Variants in MYO1D observed in about 807,000 individuals in gnomAD.
The protein encoded by MYO1D is unconventional myosin-Id.
MYO1D carries 83 observed loss-of-function variants against 122.0 expected under a neutral mutation model. The ratio of observed to expected loss-of-function variants is 0.68; its 90% CI spans 0.57 to 0.82. MYO1D has a LOEUF of 0.82. Among genes scored for constraint, MYO1D ranks in the 40% least tolerant of loss-of-function variants. The probability of loss-of-function intolerance (pLI) is 0.00; values close to 1 mark genes in which losing one functional copy is unlikely to be tolerated. For synonymous variants in MYO1D, 464 were observed against 446.9 expected (o/e 1.04, Z -0.48); for missense variants, 1,157 against 1,269.5 (o/e 0.91, Z 1.35).
rs554070635 is a variant in MYO1D at position 32,684,169 on chromosome 17, C to T, written c.2122-24831G>A. ...CTGGCACTCCCTAGTGAGATGAACC[C>T]GGTACCTCAGATGGAAATGCAGAAA... On this transcript the variant is annotated intron_variant, in intron 16 of 21. Coordinates refer to ENST00000318217, the MANE Select transcript of MYO1D (RefSeq NM_015194.3). 1.7e-4 allele frequency: 27 copies of T among 156,746 alleles called. No homozygotes were observed. The East Asian group carries it at 4.5e-3, about 26-fold the overall frequency. The allele number at this position is 156,746 out of a possible 1,614,324, so 9.7% of individuals were successfully genotyped here.
At chr17:32,876,551 G>A (rs751691307) in intron 1 of MYO1D, among the ~76,000 whole-genome samples, 12 of 152,100 alleles carry the variant, frequency 7.9e-5, no homozygotes, top group Non-Finnish European at 1.3e-4. Context: ...CGCGGCCCTT[G>A]AGCTCGACAC....
intron 1 of MYO1D, among the ~76,000 whole-genome samples, chr17:32,784,771 A>G (rs2090276063): frequency 6.6e-6 from 1 of 152,150 alleles, no homozygotes; most frequent in African/African-American, 2.4e-5. Flanking sequence ...GGGCTCCTTC[A>G]GATCAGTCAC....
intron 17 of MYO1D, among the ~76,000 whole-genome samples, chr17:32,656,333 T>C (rs1271576670): frequency 6.6e-6 from 1 of 152,196 alleles, no homozygotes; most frequent in Admixed American, 6.5e-5. Context: ...GTCAATAAAG[T>C]AGAAAGTGTA....
chr17:32,826,285 C>T (rs1411501270), intron 1 of MYO1D, among the ~76,000 whole-genome samples: 2 of 40,150 alleles, frequency 5.0e-5, no homozygotes, highest in African/African-American at 1.1e-4. Context: ...TGTTCACCTA[C>T]CTGCAATCAA....
In MYO1D at chr17:32,653,998, G is replaced by A. The variant is rs2088437149; in HGVS notation, c.2491-51C>T. On this transcript the variant is annotated intron_variant, in intron 18 of 21. Coordinates refer to ENST00000318217, the MANE Select transcript of MYO1D (RefSeq NM_015194.3). ...AATGAGTATGCTTAGCATTTTAGAA[G>A]GAAAGGCAATCTTTCAGTGTACTGC... The A allele has an allele frequency of 5.6e-6, 8 of 1,439,706 alleles. No individual in the cohort carries two copies. The South Asian group carries it at 9.5e-5, about 17-fold the overall frequency. 89.2% of individuals were successfully genotyped at this position (1,439,706 alleles called of 1,614,324 possible).
chr17:32,784,388 T>C (rs997071847), intron 1 of MYO1D, among the ~76,000 whole-genome samples: 9 of 152,160 alleles, frequency 5.9e-5, no homozygotes, highest in Admixed American at 5.2e-4. Context: ...AGGTCCTCTA[T>C]GGAGTCACTC....
intron 1 of MYO1D, among the ~76,000 whole-genome samples, chr17:32,793,749 G>T (rs1042932089): frequency 2.0e-5 from 3 of 152,160 alleles, no homozygotes; most frequent in Non-Finnish European, 4.4e-5. Flanking sequence ...GATTAAGAAG[G>T]TGGACTCTGG....
intron 20 of MYO1D, among the ~76,000 whole-genome samples, chr17:32,605,668 T>C (rs560283057): frequency 9.9e-5 from 15 of 152,250 alleles, no homozygotes; most frequent in South Asian, 4.2e-4. Context: ...GAAGAACTTA[T>C]TGCCAATATC....
chr17:32,656,731 CAGACTT>C (rs1448130418), intron 17 of MYO1D, among the ~76,000 whole-genome samples: 1 of 152,204 alleles, frequency 6.6e-6, no homozygotes, highest in Non-Finnish European at 1.5e-5. Context: ...AAAAGAGTGA[CAGACTT>C]AGAGCAGTTG....
intron 11 of MYO1D, 118 bp from the exon 12 acceptor site, chr17:32,749,124 G>T: frequency 1.1e-6 from 1 of 906,782 alleles, no homozygotes; most frequent in Non-Finnish European, 1.7e-6. Flanking sequence ...CATTGTGTGG[G>T]GCTTGATTTA....
intron 21 of MYO1D, among the ~76,000 whole-genome samples, chr17:32,569,496 T>C (rs2087203489): frequency 6.6e-6 from 1 of 152,208 alleles, no homozygotes; most frequent in African/African-American, 2.4e-5. Context: ...CTTCCCCATC[T>C]AACCTGTTCC....
chr17:32,509,577 T>C (rs370247936), intron 21 of MYO1D, among the ~76,000 whole-genome samples: 11 of 152,212 alleles, frequency 7.2e-5, no homozygotes, highest in African/African-American at 2.6e-4. Context: ...TGGGCAGATA[T>C]TTCTTTTTTT....
chr17:32,792,219 C>G (rs1337365750), intron 1 of MYO1D, among the ~76,000 whole-genome samples: 1 of 152,086 alleles, frequency 6.6e-6, no homozygotes, highest in Non-Finnish European at 1.5e-5. Context: ...ATTATTAGTT[C>G]AAAGGATATA....
At chr17:32,836,983 A>C (rs1056854053) in intron 1 of MYO1D, among the ~76,000 whole-genome samples, 2 of 152,150 alleles carry the variant, frequency 1.3e-5, no homozygotes, top group Non-Finnish European at 2.9e-5. Context: ...AAAGTGGCTG[A>C]AGTAATTTAC....
At chr17:32,876,733 G>C (rs1352502029) in intron 1 of MYO1D, 45 bp downstream of exon 1, 1 of 1,452,306 alleles carries the variant, frequency 6.9e-7, no homozygotes, top group Non-Finnish European at 9.2e-7. Flanking sequence ...CCCCTCTCGG[G>C]AAAGCGCAGC....
intron 16 of MYO1D, among the ~76,000 whole-genome samples, chr17:32,697,926 G>GT (rs1195495217): frequency 1.3e-5 from 2 of 152,230 alleles, no homozygotes; most frequent in African/African-American, 4.8e-5. Context: ...TTTCAATAGT[G>GT]TGAGTCATAG....
At chr17:32,607,338 TA>T in intron 20 of MYO1D, among the ~76,000 whole-genome samples, 1 of 152,062 alleles carries the variant, frequency 6.6e-6, no homozygotes, top group Non-Finnish European at 1.5e-5. Context: ...AATATTTCTA[TA>T]TTAGCAATGA....
intron 1 of MYO1D, among the ~76,000 whole-genome samples, chr17:32,821,430 T>C (rs1395566776): frequency 6.6e-6 from 1 of 152,012 alleles, no homozygotes; most frequent in Non-Finnish European, 1.5e-5. Flanking sequence ...TTTAATTTAG[T>C]TTTAGGAATT....
At chr17:32,697,720 T>G (rs2089191238) in intron 16 of MYO1D, among the ~76,000 whole-genome samples, 1 of 151,732 alleles carries the variant, frequency 6.6e-6, no homozygotes, top group Admixed American at 6.6e-5. Flanking sequence ...AACATCAGGG[T>G]TTTTTTTCCA....
Sources: allele counts gnomAD v4.1 joint callset (sites outside exome capture counted in the v4.1 genomes callset), GRCh38; gene constraint gnomAD v4.1.1; transcripts MANE v1.5; gene names NCBI Gene and HGNC (gene_info 2026-07-23, HGNC 2026-07-21).